The following EYS variants were observed in gnomAD, a reference collection of about 807,000 sequenced individuals.
The protein encoded by EYS is protein eyes shut homolog.
Under a neutral mutation model 282.1 loss-of-function variants are expected in EYS, and 250 were observed. The observed-to-expected ratio is 0.89, with a 90% CI of 0.80 to 0.98. The LOEUF is 0.98. Ranked by LOEUF, EYS falls within the 50% of genes least tolerant of loss-of-function variation. The pLI, the probability that EYS is intolerant of heterozygous loss-of-function variation, is 0.00. For missense variants in EYS, 4,016 were observed against 3,709.0 expected, an observed-to-expected ratio of 1.08 and a Z score of -2.15; for synonymous variants, 1,355 against 1,282.9, an observed-to-expected ratio of 1.06 and a Z score of -1.20.
chr6:65,458,969 A>C (rs1764723846), intron 5 of EYS, among the ~76,000 whole-genome samples: 2 of 152,168 alleles, frequency 1.3e-5, no homozygotes, highest in African/African-American at 4.8e-5. Context: ...ATGTACTTGC[A>C]AAATAATCTT....
chr6:64,042,305 C>T lies in EYS; in HGVS notation c.6725+24033G>A, dbSNP rs1446829032. ...TACAATTTTTACATAAATGTGCATG[C>T]AATGCCTTGCTTCTCAGTTAGTAAC... On this transcript the variant is annotated intron_variant, in intron 33 of 42. Transcript: ENST00000503581. 2.0e-5 allele frequency among the ~76,000 whole-genome samples: 3 copies of T among 152,162 alleles called. No homozygotes were observed. In the East Asian group the frequency reaches 5.8e-4, roughly 29 times the overall value.
intron 12 of EYS, among the ~76,000 whole-genome samples, chr6:65,259,109 T>C (rs1490091047): frequency 1.3e-5 from 2 of 152,114 alleles, no homozygotes; most frequent in Admixed American, 1.3e-4. Context: ...TCCTAGATGG[T>C]AGACATTACT....
At chr6:64,623,457 C>G (rs1436916452) in intron 23 of EYS, among the ~76,000 whole-genome samples, 1 of 151,972 alleles carries the variant, frequency 6.6e-6, no homozygotes, top group Non-Finnish European at 1.5e-5. Context: ...AAATGAGATG[C>G]CCTTTTCTCG....
chr6:64,306,504 C>G (rs1231254798), intron 30 of EYS, among the ~76,000 whole-genome samples: 1 of 152,120 alleles, frequency 6.6e-6, no homozygotes, highest in African/African-American at 2.4e-5. Flanking sequence ...TCACCCAATT[C>G]AAAGCCATGT....
chr6:63,969,762 A>G (rs1228693493), intron 35 of EYS, among the ~76,000 whole-genome samples: 3 of 152,230 alleles, frequency 2.0e-5, no homozygotes, highest in East Asian at 1.9e-4. Context: ...CACATAATAT[A>G]TGGGGCCCAG....
chr6:64,398,794 G>A (rs1271714505), intron 28 of EYS, among the ~76,000 whole-genome samples: 1 of 151,768 alleles, frequency 6.6e-6, no homozygotes, highest in Non-Finnish European at 1.5e-5. Flanking sequence ...GATAAAGAAA[G>A]CTTTGACAAT....
intron 35 of EYS, among the ~76,000 whole-genome samples, chr6:63,910,013 AG>A (rs1284623899): frequency 7.2e-5 from 11 of 152,204 alleles, no homozygotes; most frequent in Non-Finnish European, 1.2e-4. Flanking sequence ...CAGTGAGCCA[AG>A]GATGGAACCC....
intron 35 of EYS, among the ~76,000 whole-genome samples, chr6:63,979,712 C>T (rs993048853): frequency 2.0e-5 from 3 of 151,810 alleles, no homozygotes; most frequent in Non-Finnish European, 2.9e-5. Context: ...GTTTTAAGTC[C>T]GTAGAGATTT....
rs1775231093 is a variant in EYS at position 65,112,148 on chromosome 6, A to G, written c.2024-54421T>C. 1.3e-5 allele frequency among the ~76,000 whole-genome samples: 2 copies of G among 152,118 alleles called. 1 individual carries two copies. Among genetic ancestry groups the G allele is most frequent in the South Asian group, 4.1e-4 (2 of 4,826 alleles). ...AGTCAAAAATTGTGTTATTCTTGGC[A>G]TTTTATTATATATTTTCTTTGATAC... On this transcript the variant is annotated intron_variant, in intron 12 of 42. Transcript: ENST00000503581.
At chr6:65,088,059 T>C (rs1281137546) in intron 12 of EYS, among the ~76,000 whole-genome samples, 2 of 152,206 alleles carry the variant, frequency 1.3e-5, no homozygotes, top group Non-Finnish European at 2.9e-5. Context: ...GCTTCTCCTT[T>C]GTCCTCTGCT....
chr6:63,881,685 A>C (rs1038533952), intron 35 of EYS, among the ~76,000 whole-genome samples: 1 of 152,170 alleles, frequency 6.6e-6, no homozygotes. Flanking sequence ...CTTGGCACAA[A>C]TATGCAAAAT....
intron 41 of EYS, among the ~76,000 whole-genome samples, chr6:63,735,949 G>C (rs1768901010): frequency 6.6e-6 from 1 of 152,104 alleles, no homozygotes; most frequent in Admixed American, 6.6e-5. Flanking sequence ...AATCTTTGTA[G>C]AAATGACGTG....
chr6:64,449,919 C>G (rs1457212275), intron 26 of EYS, among the ~76,000 whole-genome samples: 1 of 152,076 alleles, frequency 6.6e-6, no homozygotes, highest in Non-Finnish European at 1.5e-5. Context: ...ATTGTAAAGA[C>G]CGTCAAGGCT....
chr6:64,577,504 A>T (rs62415800), intron 26 of EYS, among the ~76,000 whole-genome samples: 1 of 123,856 alleles, frequency 8.1e-6, no homozygotes, highest in South Asian at 2.6e-4. Context: ...ACACACTCAC[A>T]CACACACACA....
At position 65,049,143 on chromosome 6, in the gene EYS, C is replaced by T. The variant is rs1488088933; in HGVS notation, c.2137+8471G>A. Among the ~76,000 whole-genome samples, 3 of 151,906 alleles carry T rather than the reference C, an allele frequency of 2.0e-5. No individual in the cohort carries two copies. The East Asian group carries it at 5.8e-4, about 30-fold the overall frequency. On this transcript the variant is annotated intron_variant, in intron 13 of 42. Transcript: ENST00000503581. ...TTCAAAAGAAGAAAAAAATCAAATT[C>T]TACTTTATAATTTAGAATAATCTCC...
At chr6:63,843,776 C>A (rs775992932) in intron 36 of EYS, among the ~76,000 whole-genome samples, 14 of 152,098 alleles carry the variant, frequency 9.2e-5, no homozygotes, top group African/African-American at 3.1e-4. Context: ...AGAAATAAAG[C>A]GTATTCAAAT....
chr6:64,518,784 C>CCCT (rs1554169755), intron 26 of EYS, among the ~76,000 whole-genome samples: 3 of 150,560 alleles, frequency 2.0e-5, no homozygotes, highest in Admixed American at 6.6e-5. Context: ...TAAGGGGCCC[C>CCCT]CCCCTTCTCA....
intron 26 of EYS, among the ~76,000 whole-genome samples, chr6:64,530,070 G>A (rs952106865): frequency 6.6e-6 from 1 of 152,048 alleles, no homozygotes; most frequent in Admixed American, 6.5e-5. Context: ...CATGTTTAAT[G>A]TTGAACTAAA....
intron 36 of EYS, among the ~76,000 whole-genome samples, chr6:63,835,552 A>G (rs746987669): frequency 3.3e-5 from 5 of 152,052 alleles, no homozygotes; most frequent in Admixed American, 1.3e-4. Context: ...AGGGATAAGA[A>G]TGATACAATG....
Sources: allele counts gnomAD v4.1 joint callset (sites outside exome capture counted in the v4.1 genomes callset), GRCh38; gene constraint gnomAD v4.1.1; transcripts MANE v1.5; gene names NCBI Gene and HGNC (gene_info 2026-07-23, HGNC 2026-07-21).